Variants in ZNF738 observed in about 807,000 individuals in gnomAD.
The protein encoded by ZNF738 is protein ZNF738.
In ZNF738, 10 loss-of-function variants were observed where a neutral mutation model predicts 9.2. The ratio of observed to expected loss-of-function variants is 1.09; its 90% CI spans 0.67 to 1.85. The LOEUF (loss-of-function observed/expected upper bound fraction) is 1.85, where lower values mean the gene tolerates loss of function less well. ZNF738 is among the 40% of genes most tolerant of loss of function. ZNF738 has a pLI of 0.00. For missense variants in ZNF738, 346 were observed against 283.6 expected, an observed-to-expected ratio of 1.22 and a Z score of -1.58; for synonymous variants, 113 against 94.5, an observed-to-expected ratio of 1.20 and a Z score of -1.14.
chr19:21,385,030 T>C lies in ZNF738; in HGVS notation c.*1356T>C, dbSNP rs1293648578. On this transcript the variant is annotated 3_prime_UTR_variant, in exon 5 of 5. Coordinates refer to ENST00000683779, the MANE Select transcript of ZNF738 (RefSeq NM_001355237.2). ...AAATGTGAAGAATGTGGCAAAGGCT[T>C]TGACTGGTCCTCTACCCTTACTAAA... 2.0e-5 allele frequency among the ~76,000 whole-genome samples: 3 copies of C among 152,244 alleles called. No homozygotes were observed. The highest frequency in any genetic ancestry group is 7.2e-5 in the African/African-American group (3 of 41,466).
At chr19:21,378,248 T>G (rs1973959040) in intron 4 of ZNF738, 1 of 332,210 alleles carries the variant, frequency 3.0e-6, no homozygotes, top group Admixed American at 4.8e-5. Context: ...AAATTTCTTC[T>G]GTGCCATTAT....
chr19:21,381,509 T>C, intron 4 of ZNF738: 1 of 941,812 alleles, frequency 1.1e-6, no homozygotes, highest in South Asian at 1.4e-5. Context: ...TTCTTTTTTT[T>C]TCGAGATGGA....
intron 4 of ZNF738, among the ~76,000 whole-genome samples, chr19:21,376,815 C>CA (rs1272627974): frequency 1.3e-5 from 2 of 150,342 alleles, no homozygotes; most frequent in Admixed American, 1.3e-4. Flanking sequence ...TGAGCCACTA[C>CA]ACCCAGCCTT....
At chr19:21,369,407 T>C (rs1352305431) in intron 2 of ZNF738, among the ~76,000 whole-genome samples, 1 of 152,198 alleles carries the variant, frequency 6.6e-6, no homozygotes, top group African/African-American at 2.4e-5. Flanking sequence ...CACCTCATGC[T>C]ACCATATTAT....
rs569771771 is a variant in ZNF738, at chr19:21,384,061, A to G, written c.*387A>G. 10 of 1,562,604 alleles carry G rather than the reference A, an allele frequency of 6.4e-6. No individual in the cohort carries two copies. In the South Asian group the frequency reaches 8.9e-5, roughly 14 times the overall value. On this transcript the variant is annotated 3_prime_UTR_variant, in exon 5 of 5. Coordinates refer to ENST00000683779, the MANE Select transcript of ZNF738 (RefSeq NM_001355237.2). ...TACCTTACTACACATAAGAGAATTC[A>G]CACTGGAGAGAAACCCTACAAATGT...
chr19:21,383,517 C>A lies in ZNF738; in HGVS notation c.971C>A (p.Ala324Asp). 1 of 910,928 alleles carries A rather than the reference C, an allele frequency of 1.1e-6. No individual in the cohort carries two copies. The highest frequency in any genetic ancestry group is 1.8e-6 in the Non-Finnish European group (1 of 557,012). The allele number at this position is 910,928 out of a possible 1,614,324, so 56.4% of individuals were successfully genotyped here. A position where few individuals can be genotyped will look rare whatever the true frequency, so the allele number is the denominator to read the frequency against. The change falls in exon 5 of 5, where the codon GCT becomes GAT. Residue 324 changes from alanine (A) to aspartate (D), a missense_variant. Transcript: ENST00000683779. ...TACAAATGTGAAGGATGTGGCAAAG[C>A]TTTCTGCCAATTCTCATACCTTACT... is the stretch of plus-strand genomic sequence containing the variant. Reference protein sequence around the residue: ...KPYKCEGCGKAFCQFSYLTKH... With the variant: ...KPYKCEGCGKDFCQFSYLTKH...
intron 2 of ZNF738, among the ~76,000 whole-genome samples, chr19:21,368,085 G>C (rs1042449965): frequency 1.3e-5 from 2 of 152,170 alleles, no homozygotes; most frequent in Non-Finnish European, 2.9e-5. Flanking sequence ...TCTTCTGCAC[G>C]CATGGGTTTT....
chr19:21,374,568 A>T (rs2102071), intron 2 of ZNF738, among the ~76,000 whole-genome samples: 2,251 of 152,292 alleles, frequency 0.015, 66 homozygotes, highest in African/African-American at 0.048. Context: ...AAGTATCTTT[A>T]TGTAGCCAAA....
chr19:21,384,026 C>G lies in ZNF738; in HGVS notation c.*352C>G. ...GTGAAGAATGTGGCAAAGCTTTCTACCGATTCATTTACCTTACTACACATA... is the reference window on the plus strand; with the variant it reads ...GTGAAGAATGTGGCAAAGCTTTCTAGCGATTCATTTACCTTACTACACATA... On this transcript the variant is annotated 3_prime_UTR_variant, in exon 5 of 5. Transcript: ENST00000683779. 1.3e-6 allele frequency: 2 copies of G among 1,511,050 alleles called. No individual in the cohort carries two copies. Among genetic ancestry groups the G allele is most frequent in the Non-Finnish European group, 1.8e-6 (2 of 1,095,662 alleles). The allele number at this position is 1,511,050 out of a possible 1,614,324, so 93.6% of individuals were successfully genotyped here. A position where few individuals can be genotyped will look rare whatever the true frequency, so the allele number is the denominator to read the frequency against.
At chr19:21,371,706 TTC>T (rs1420037247) in intron 2 of ZNF738, among the ~76,000 whole-genome samples, 1 of 152,224 alleles carries the variant, frequency 6.6e-6, no homozygotes, top group Admixed American at 6.5e-5. Context: ...CTTGGTCCAC[TTC>T]TTTTTAATAT....
rs1289045901 is a variant in ZNF738, at chr19:21,361,938, A to G, written c.96+80A>G. 5 of 656,186 alleles carry G rather than the reference A, an allele frequency of 7.6e-6. No homozygotes were observed. In the Admixed American group the frequency reaches 9.6e-5, roughly 13 times the overall value. The allele number at this position is 656,186 out of a possible 1,614,324, so 40.6% of individuals were successfully genotyped here. On this transcript the variant is annotated intron_variant, in intron 2 of 4. Transcript: ENST00000683779. ...TACTAAAAATACAAAAAACTTAGCC[A>G]AGCATGGTGGTGCATGCCTGAATTT...
At position 21,383,161 on chromosome 19, in the gene ZNF738, A is replaced by G. The variant is rs1017072376; in HGVS notation, c.615A>G (p.Lys205=). The change falls in exon 5 of 5, where the codon AAA becomes AAG. Residue 205 remains lysine, a synonymous_variant. Coordinates refer to ENST00000683779, the MANE Select transcript of ZNF738 (RefSeq NM_001355237.2). ...GACATACTGGAAAGAAACCTTTCAA[A>G]TGTAAAAAATGTGGCAAATCATTTT... ...KTRHTGKKPF[K]CKKCGKSFCM... The G allele has an allele frequency of 3.8e-6, 6 of 1,599,228 alleles. No homozygotes were observed. Among genetic ancestry groups the G allele is most frequent in the Admixed American group, 1.7e-5 (1 of 59,660 alleles).
At chr19:21,360,997 AG>A in intron 1 of ZNF738, among the ~76,000 whole-genome samples, 1 of 151,226 alleles carries the variant, frequency 6.6e-6, no homozygotes, top group African/African-American at 2.4e-5. Flanking sequence ...TATTTTTAGA[AG>A]AGATAGGGTT....
chr19:21,362,530 C>T (rs1167039544), intron 2 of ZNF738, among the ~76,000 whole-genome samples: 7 of 152,096 alleles, frequency 4.6e-5, no homozygotes, highest in Non-Finnish European at 1.0e-4. Context: ...TGACTTGAAA[C>T]GTGAGTCAGA....
intron 4 of ZNF738, chr19:21,378,726 A>T: frequency 6.0e-6 from 2 of 332,766 alleles, no homozygotes. Flanking sequence ...CAGCCTCCCG[A>T]GTAGCTGGGA....
Position 21,386,747 on chromosome 19 carries a change from G to A in ZNF738, c.*3073G>A, listed in dbSNP as rs951719124. 6 of 182,118 alleles carry A rather than the reference G, an allele frequency of 3.3e-5. No individual in the cohort carries two copies. The highest frequency in any genetic ancestry group is 1.2e-4 in the African/African-American group (5 of 41,902). 11.3% of individuals were successfully genotyped at this position (182,118 alleles called of 1,614,324 possible). A position where few individuals can be genotyped will look rare whatever the true frequency, so the allele number is the denominator to read the frequency against. On this transcript the variant is annotated 3_prime_UTR_variant, in exon 5 of 5. Transcript: ENST00000683779. ...TTTTTAGAGATGGAGTTTCACTCTTGTTGCCAAGGCTGCAATACTGTGGCA... is the reference window on the plus strand; with the variant it reads ...TTTTTAGAGATGGAGTTTCACTCTTATTGCCAAGGCTGCAATACTGTGGCA...
chr19:21,381,502 T>C (rs1974003714), intron 4 of ZNF738: 1 of 986,428 alleles, frequency 1.0e-6, no homozygotes, highest in Admixed American at 2.1e-5. Context: ...TTTCTTTTTC[T>C]TTTTTTTTCG....
intron 2 of ZNF738, among the ~76,000 whole-genome samples, chr19:21,364,122 G>A (rs376828960): frequency 2.7e-5 from 4 of 145,490 alleles, no homozygotes; most frequent in Non-Finnish European, 6.0e-5. Flanking sequence ...GTTTGAACCC[G>A]GGAGATGGAG....
At chr19:21,360,963 C>A (rs1394437641) in intron 1 of ZNF738, among the ~76,000 whole-genome samples, 3 of 151,422 alleles carry the variant, frequency 2.0e-5, no homozygotes, top group Non-Finnish European at 2.9e-5. Context: ...TACAGGCATG[C>A]ACCACCACGC....
Sources: gnomAD v4.1 joint callset for allele counts (sites outside exome capture counted in the v4.1 genomes callset) on GRCh38, gnomAD v4.1.1 for gene constraint, MANE v1.5 for transcripts, NCBI Gene and HGNC (gene_info 2026-07-23, HGNC 2026-07-21) for gene names.